NLGN1: variants seen among roughly 807,000 people sequenced by gnomAD.
NLGN1 encodes neuroligin-1.
NLGN1 carries 12 observed loss-of-function variants against 65.5 expected under a neutral mutation model. That is an observed-to-expected ratio of 0.18 (90% CI 0.12 to 0.30). The LOEUF is 0.30. NLGN1 is among the 10% of genes least tolerant of loss of function. The pLI is 1.00. For missense variants in NLGN1, 750 were observed against 1,007.1 expected (o/e 0.74, Z 3.46); for synonymous variants, 350 against 359.5 (o/e 0.97, Z 0.30).
intron 3 of NLGN1, among the ~76,000 whole-genome samples, chr3:173,742,837 T>C (rs1774855363): frequency 2.0e-5 from 3 of 152,164 alleles, no homozygotes; most frequent in Admixed American, 2.0e-4. Context: ...GTTTCCATTG[T>C]TTATCCCTAA....
At chr3:173,450,008 CTT>C (rs1156837147) in intron 2 of NLGN1, among the ~76,000 whole-genome samples, 4 of 152,158 alleles carry the variant, frequency 2.6e-5, no homozygotes, top group Non-Finnish European at 4.4e-5. Context: ...GGTGTTGACT[CTT>C]TATCCAATTT....
chr3:173,475,862 A>C (rs1249983628), intron 2 of NLGN1, among the ~76,000 whole-genome samples: 1 of 152,230 alleles, frequency 6.6e-6, no homozygotes, highest in Non-Finnish European at 1.5e-5. Context: ...GATGTTGTTC[A>C]AAATCAGTTA....
chr3:173,529,635 C>G (rs1022244163), intron 2 of NLGN1, among the ~76,000 whole-genome samples: 1 of 152,166 alleles, frequency 6.6e-6, no homozygotes, highest in African/African-American at 2.4e-5. Flanking sequence ...CCATCTATCT[C>G]TAGGCCACAG....
At chr3:173,702,418 G>T (rs940046603) in intron 3 of NLGN1, among the ~76,000 whole-genome samples, 2 of 151,960 alleles carry the variant, frequency 1.3e-5, no homozygotes, top group African/African-American at 2.4e-5. Flanking sequence ...CTTGCTCATG[G>T]TGCCTGTTGG....
chr3:173,823,930 AAC>A (rs199532751), intron 4 of NLGN1, among the ~76,000 whole-genome samples: 2,327 of 151,722 alleles, frequency 0.015, 75 homozygotes, highest in African/African-American at 0.055. Flanking sequence ...AAAAAAAAAA[AAC>A]AAATCTTTTT....
intron 4 of NLGN1, among the ~76,000 whole-genome samples, chr3:173,853,491 A>G (rs1489983464): frequency 6.6e-6 from 1 of 152,190 alleles, no homozygotes; most frequent in Non-Finnish European, 1.5e-5. Flanking sequence ...TAAACTCAAT[A>G]TAAAAATAAG....
At chr3:173,711,533 A>AT (rs1768988719) in intron 3 of NLGN1, among the ~76,000 whole-genome samples, 1 of 152,112 alleles carries the variant, frequency 6.6e-6, no homozygotes, top group Non-Finnish European at 1.5e-5. Context: ...GAAAACACTC[A>AT]TTTTTTGTTG....
At chr3:174,009,455 T>C (rs1370202256) in intron 4 of NLGN1, among the ~76,000 whole-genome samples, 1 of 152,160 alleles carries the variant, frequency 6.6e-6, no homozygotes, top group Non-Finnish European at 1.5e-5. Flanking sequence ...TCTCCTTTCA[T>C]CTTTACAAAA....
chr3:174,215,220 A>T (rs1184445333), intron 4 of NLGN1, among the ~76,000 whole-genome samples: 3 of 152,154 alleles, frequency 2.0e-5, no homozygotes, highest in African/African-American at 7.2e-5. Context: ...CAATAATCTT[A>T]TACTGCAATT....
chr3:173,779,283 C>A (rs1780775245), intron 3 of NLGN1, among the ~76,000 whole-genome samples: 1 of 128,518 alleles, frequency 7.8e-6, no homozygotes, highest in African/African-American at 2.9e-5. Flanking sequence ...ACATAGACTG[C>A]ATTTTTTGTT....
Position 174,279,171 on chromosome 3 carries a change from G to A in NLGN1, c.1170G>A (p.Gly390=). The A allele has an allele frequency of 1.2e-6, 2 of 1,613,312 alleles. No individual in the cohort carries two copies. Among genetic ancestry groups the A allele is most frequent in the Non-Finnish European group, 1.7e-6 (2 of 1,179,540 alleles). ...ATATAATGTTAGGAGTGAACCAAGG[G>A]GAAGGGTTAAAATTTGTTGAAAATA... Residue 390 remains glycine (G), a synonymous_variant, in exon 6 of 7, where the codon GGG becomes GGA. Coordinates refer to ENST00000457714, the Ensembl canonical transcript of NLGN1. This position sits in a 1 kb window ranked among gnomAD's most constrained non-coding sequence, Gnocchi z 4.7.
intron 4 of NLGN1, among the ~76,000 whole-genome samples, chr3:173,967,796 A>G (rs893249806): frequency 6.6e-6 from 1 of 152,194 alleles, no homozygotes; most frequent in Non-Finnish European, 1.5e-5. Context: ...GATCCAATGA[A>G]TACATATTAT....
chr3:173,513,207 C>T (rs1733269390), intron 2 of NLGN1, among the ~76,000 whole-genome samples: 2 of 144,216 alleles, frequency 1.4e-5, no homozygotes, highest in African/African-American at 5.2e-5. Context: ...AATTCCCCTC[C>T]CTCTACTGAA....
chr3:173,625,371 C>T (rs954859151), intron 3 of NLGN1, among the ~76,000 whole-genome samples: 6 of 152,090 alleles, frequency 3.9e-5, no homozygotes, highest in Admixed American at 1.3e-4. Context: ...ACCACTACCA[C>T]CATCCTGGTA....
chr3:173,467,835 G>T (rs980060150), intron 2 of NLGN1, among the ~76,000 whole-genome samples: 9 of 152,026 alleles, frequency 5.9e-5, no homozygotes, highest in Non-Finnish European at 1.2e-4. Flanking sequence ...CCATCTGTTG[G>T]CTTCACCATC....
At chr3:173,401,182 A>G (rs1312940483) in intron 1 of NLGN1, among the ~76,000 whole-genome samples, 2 of 152,054 alleles carry the variant, frequency 1.3e-5, no homozygotes, top group Admixed American at 6.6e-5. Context: ...AGGGATGTGT[A>G]GCATCATCCT....
intron 4 of NLGN1, among the ~76,000 whole-genome samples, chr3:174,086,002 AT>A (rs1561006530): frequency 6.6e-6 from 1 of 152,016 alleles, no homozygotes; most frequent in Non-Finnish European, 1.5e-5. Flanking sequence ...AAATTAACAA[AT>A]TTTTGGATAA....
chr3:174,100,286 A>AC (rs1712116892), intron 4 of NLGN1, among the ~76,000 whole-genome samples: 2 of 151,986 alleles, frequency 1.3e-5, no homozygotes, highest in African/African-American at 4.8e-5. Flanking sequence ...TAAAAAAAAA[A>AC]AAACTTTATT....
At chr3:174,055,038 T>C (rs375011424) in intron 4 of NLGN1, among the ~76,000 whole-genome samples, 3 of 151,866 alleles carry the variant, frequency 2.0e-5, no homozygotes, top group East Asian at 1.9e-4. Flanking sequence ...CTTCCAAGAC[T>C]GATACAAAAC....
Sources: gnomAD v4.1 joint callset for allele counts (sites outside exome capture counted in the v4.1 genomes callset) on GRCh38, gnomAD v4.1.1 for gene constraint, Gnocchi (gnomAD v3.1) non-coding constraint, MANE v1.5 for transcripts, NCBI Gene and HGNC (gene_info 2026-07-23, HGNC 2026-07-21) for gene names.